The following THEMIS variants were observed in gnomAD, a reference collection of about 807,000 sequenced individuals.
THEMIS encodes protein THEMIS.
Under a neutral mutation model 52.6 loss-of-function variants are expected in THEMIS, and 37 were observed. The ratio of observed to expected loss-of-function variants is 0.70; its 90% CI spans 0.54 to 0.93. The LOEUF is 0.93. THEMIS is among the 40% of genes least tolerant of loss of function. The pLI, the probability that THEMIS is intolerant of heterozygous loss-of-function variation, is 0.00. For missense variants in THEMIS, 808 were observed against 763.1 expected, an observed-to-expected ratio of 1.06 and a Z score of -0.69; for synonymous variants, 292 against 272.7, an observed-to-expected ratio of 1.07 and a Z score of -0.70.
chr6:127,841,571 G>T (rs767918165), intron 2 of THEMIS, among the ~76,000 whole-genome samples: 4 of 151,956 alleles, frequency 2.6e-5, no homozygotes, highest in Non-Finnish European at 5.9e-5. Flanking sequence ...ACAGAATTCT[G>T]ATCTGATATT....
intron 4 of THEMIS, among the ~76,000 whole-genome samples, chr6:127,778,014 A>C (rs1289629447): frequency 1.3e-5 from 2 of 152,162 alleles, no homozygotes; most frequent in Non-Finnish European, 2.9e-5. Context: ...GTACATTGAC[A>C]AATGTACAAA....
intron 1 of THEMIS, among the ~76,000 whole-genome samples, chr6:127,897,747 T>C (rs1226188493): frequency 6.6e-6 from 1 of 151,590 alleles, no homozygotes; most frequent in African/African-American, 2.4e-5. Context: ...CAAGGGTGAA[T>C]GTACACACAC....
chr6:127,702,260 T>A, the THEMIS span, among the ~76,000 whole-genome samples: 2 of 152,224 alleles, frequency 1.3e-5, no homozygotes, highest in South Asian at 4.1e-4. Flanking sequence ...CCAATTGATG[T>A]CCAAGTCCTA....
intron 4 of THEMIS, among the ~76,000 whole-genome samples, chr6:127,728,439 G>T (rs1203272154): frequency 6.6e-6 from 1 of 152,120 alleles, no homozygotes; most frequent in South Asian, 2.1e-4. Context: ...TACTATTTCT[G>T]CTTTTTAGTT....
At chr6:127,814,015 T>C (rs548130988) in intron 3 of THEMIS, 84 bp from the exon 4 acceptor site, 2 of 1,173,206 alleles carry the variant, frequency 1.7e-6, no homozygotes. Flanking sequence ...CATAAATAAA[T>C]TTCTTTTACA....
intron 4 of THEMIS, among the ~76,000 whole-genome samples, chr6:127,766,004 A>G (rs191895977): frequency 4.5e-4 from 69 of 152,274 alleles, no homozygotes; most frequent in Admixed American, 2.1e-3. Context: ...CTAGAGCAAT[A>G]CTTTATTGAG....
upstream of THEMIS, among the ~76,000 whole-genome samples, chr6:127,905,981 GTAATTAAATGAAA>G (rs1781260125): frequency 2.1e-5 from 3 of 145,612 alleles, no homozygotes; most frequent in African/African-American, 8.2e-5. Flanking sequence ...TAATTTAAAT[GTAATTAAATGAAA>G]TAATTTAAAT....
At chr6:127,872,720 A>G (rs2114390176) in intron 1 of THEMIS, among the ~76,000 whole-genome samples, 1 of 152,314 alleles carries the variant, frequency 6.6e-6, no homozygotes, top group Middle Eastern at 3.4e-3. Context: ...TCTCCCTAAG[A>G]TCAGAAACAA....
chr6:127,736,544 C>G (rs1236141802), intron 4 of THEMIS, among the ~76,000 whole-genome samples: 4 of 152,072 alleles, frequency 2.6e-5, no homozygotes, highest in Non-Finnish European at 4.4e-5. Context: ...AATTTCTATG[C>G]AAGTATGTGA....
chr6:127,819,500 G>A (rs1402417559), intron 3 of THEMIS, among the ~76,000 whole-genome samples: 2 of 152,100 alleles, frequency 1.3e-5, no homozygotes, highest in East Asian at 1.9e-4. Context: ...TCATATTCAG[G>A]CTTCTTCAAA....
intron 4 of THEMIS, among the ~76,000 whole-genome samples, chr6:127,801,726 C>T (rs775424308): frequency 3.9e-5 from 6 of 152,098 alleles, no homozygotes; most frequent in South Asian, 2.1e-4. Context: ...TCCCCTGAGG[C>T]GGTTGCCAGG....
At chr6:127,851,488 A>C (rs897577512) in intron 2 of THEMIS, among the ~76,000 whole-genome samples, 1 of 151,642 alleles carries the variant, frequency 6.6e-6, no homozygotes, top group Non-Finnish European at 1.5e-5. Context: ...CTTAAAACAT[A>C]ACAAGAAAAA....
At chr6:127,755,335 AG>A (rs1224432207) in intron 4 of THEMIS, among the ~76,000 whole-genome samples, 1 of 152,202 alleles carries the variant, frequency 6.6e-6, no homozygotes, top group African/African-American at 2.4e-5. Context: ...AGCCTAAAGA[AG>A]CTTTGGATTT....
intron 4 of THEMIS, among the ~76,000 whole-genome samples, chr6:127,743,557 A>G (rs986806645): frequency 6.6e-6 from 1 of 152,130 alleles, no homozygotes; most frequent in Admixed American, 6.6e-5. Context: ...GTTTCTTAGG[A>G]TAGAGTCTTT....
At chr6:127,875,575 A>T (rs756368916) in intron 1 of THEMIS, among the ~76,000 whole-genome samples, 3 of 152,348 alleles carry the variant, frequency 2.0e-5, no homozygotes, top group African/African-American at 7.2e-5. Flanking sequence ...GAGCTGCCCA[A>T]TACTGCAGCT....
chr6:127,877,166 T>C (rs1780338303), intron 1 of THEMIS, among the ~76,000 whole-genome samples: 1 of 152,216 alleles, frequency 6.6e-6, no homozygotes. Flanking sequence ...CCTGCCTTGA[T>C]GTTGACGGCC....
intron 4 of THEMIS, among the ~76,000 whole-genome samples, chr6:127,779,471 T>C (rs1240105290): frequency 6.6e-6 from 1 of 152,194 alleles, no homozygotes; most frequent in Non-Finnish European, 1.5e-5. Context: ...GCCAATCAGG[T>C]AGAGTTAATC....
chr6:127,874,789 G>A (rs2114399085), intron 1 of THEMIS, among the ~76,000 whole-genome samples: 1 of 152,308 alleles, frequency 6.6e-6, no homozygotes, highest in South Asian at 2.1e-4. Flanking sequence ...TTTGTCTCTT[G>A]ACTGTAACAA....
chr6:127,830,962 A>T (rs755874571), intron 2 of THEMIS, among the ~76,000 whole-genome samples: 2 of 152,132 alleles, frequency 1.3e-5, no homozygotes, highest in Non-Finnish European at 2.9e-5. Flanking sequence ...TGATTATAAA[A>T]CCCTTGTGGA....
Sources: allele counts gnomAD v4.1 joint callset (sites outside exome capture counted in the v4.1 genomes callset), GRCh38; gene constraint gnomAD v4.1.1; transcripts MANE v1.5; gene names NCBI Gene and HGNC (gene_info 2026-07-23, HGNC 2026-07-21).